The following SLC38A8 variants were observed in gnomAD, a reference collection of about 807,000 sequenced individuals.
The protein encoded by SLC38A8 is solute carrier family 38 member 8, also known as amino acid transporter SLC38A8.
SLC38A8 carries 65 observed loss-of-function variants against 46.0 expected under a neutral mutation model. The observed-to-expected ratio is 1.41, with a 90% CI of 1.16 to 1.74. The LOEUF (loss-of-function observed/expected upper bound fraction) is 1.74, where lower values mean the gene tolerates loss of function less well. Ranked by LOEUF, SLC38A8 falls within the 40% of genes most tolerant of loss-of-function variation. The pLI is 0.00. For synonymous variants in SLC38A8, 447 were observed against 243.7 expected, an observed-to-expected ratio of 1.83 and a Z score of -7.77; for missense variants, 998 against 567.9, an observed-to-expected ratio of 1.76 and a Z score of -7.70.
rs139291507 is a variant in SLC38A8 at position 84,031,882 on chromosome 16, G to C, written c.617C>G (p.Ser206Cys). ...TCAGACTTACCTCAGTGAAGGATGG[G>C]ACTCACGCACGAGGCCCTGGGGCCA... ...YLWPQGLVRE[S>C]HPSLSPASWT... The change falls in exon 5 of 11, where the codon TCC (serine) becomes TGC (cysteine). Residue 206 changes from serine to cysteine, a missense_variant. Coordinates refer to ENST00000299709, the MANE Select transcript of SLC38A8 (RefSeq NM_001080442.3). The C allele has an allele frequency of 1.6e-4, 253 of 1,614,002 alleles. No homozygotes were observed. The highest frequency in any genetic ancestry group is 2.1e-4 in the Non-Finnish European group (245 of 1,180,008).
At position 84,017,318 on chromosome 16, in the gene SLC38A8, G is replaced by A. The variant is rs1468166519; in HGVS notation, c.806-31C>T. The stretch of plus-strand genomic sequence containing the variant: ...GGTGGGAAAGGATGGAAGCCACAGA[G>A]TGGATTAGGAAAATGCTGCCCCCTC... On this transcript the variant is annotated intron_variant, in intron 7 of 10. Coordinates refer to ENST00000299709, the MANE Select transcript of SLC38A8 (RefSeq NM_001080442.3). 4 of 1,612,266 alleles carry A rather than the reference G, an allele frequency of 2.5e-6. No individual in the cohort carries two copies. The South Asian group carries it at 4.4e-5, about 18-fold the overall frequency.
In SLC38A8 at chr16:84,017,286, C is replaced by T; in HGVS notation, c.807G>A (p.Gly269=). 6.2e-7 allele frequency: 1 copy of T among 1,613,978 alleles called. No homozygotes were observed. The highest frequency in any genetic ancestry group is 1.1e-5 in the South Asian group (1 of 91,080). ...LACCLIYSLT[G]VYGFLTFGTE... ...TCCCAAAAGTCAGGAAGCCATAAAC[C>T]CCTGAAGGTGGGAAAGGATGGAAGC... Residue 269 remains glycine, a splice_region_variant and synonymous_variant, in exon 8 of 11, where the codon GGG becomes GGA. Coordinates refer to ENST00000299709, the MANE Select transcript of SLC38A8 (RefSeq NM_001080442.3).
At chr16:84,020,782 T>C (rs2085086257) in intron 7 of SLC38A8, among the ~76,000 whole-genome samples, 1 of 152,196 alleles carries the variant, frequency 6.6e-6, no homozygotes, top group South Asian at 2.1e-4. Flanking sequence ...TTCAGGGTCT[T>C]TCTTCCATTC....
Position 84,033,399 on chromosome 16 carries a change from C to A in SLC38A8, c.459G>T (p.Leu153=), listed in dbSNP as rs57576928. 6.2e-7 allele frequency: 1 copy of A among 1,613,758 alleles called. No individual in the cohort carries two copies. The highest frequency in any genetic ancestry group is 1.3e-5 in the African/African-American group (1 of 74,920). The change falls in exon 4 of 11, where the codon CTG becomes CTT. Residue 153 remains leucine, a synonymous_variant. Transcript: ENST00000299709. ...GGATGACCAGCACGGAGAGCAGGGGCAGGGTGAAGCGCTGGTCTGCGTACC... is the reference window on the plus strand; with the variant it reads ...GGATGACCAGCACGGAGAGCAGGGGAAGGGTGAAGCGCTGGTCTGCGTACC... The part of the protein sequence containing the change: ...QPWYADQRFT[L]PLLSVLVILP...
intron 3 of SLC38A8, among the ~76,000 whole-genome samples, chr16:84,035,120 C>T (rs1410613203): frequency 2.0e-5 from 3 of 152,204 alleles, no homozygotes; most frequent in Admixed American, 6.5e-5. Flanking sequence ...TATCCTCATC[C>T]GTCCTCTGAC....
At position 84,009,686 on chromosome 16, in the gene SLC38A8, T is replaced by C. The variant is rs973048814; in HGVS notation, c.*98A>G. 1 of 1,040,388 alleles carries C rather than the reference T, an allele frequency of 9.6e-7. No homozygotes were observed. The allele number at this position is 1,040,388 out of a possible 1,614,324, so 64.4% of individuals were successfully genotyped here. A position where few individuals can be genotyped will look rare whatever the true frequency, so the allele number is the denominator to read the frequency against. On this transcript the variant is annotated 3_prime_UTR_variant, in exon 11 of 11. Coordinates refer to ENST00000299709, the MANE Select transcript of SLC38A8 (RefSeq NM_001080442.3). ...AAGGCATCAGTCTCTCCAGCATCTT[T>C]ATGAGGAAAAGAAATGGCATCGGTC...
intron 2 of SLC38A8, among the ~76,000 whole-genome samples, chr16:84,038,953 A>G (rs971092833): frequency 2.0e-5 from 3 of 152,344 alleles, no homozygotes; most frequent in Admixed American, 6.5e-5. Context: ...GACTTACTGG[A>G]AACAGTTTTT....
At position 84,033,413 on chromosome 16, in the gene SLC38A8, G is replaced by A. The variant is rs146899328; in HGVS notation, c.445C>T (p.Gln149Ter). The A allele has an allele frequency of 6.2e-6, 10 of 1,613,568 alleles. No individual in the cohort carries two copies. In the African/African-American group the frequency reaches 9.3e-5, roughly 15 times the overall value. The change falls in exon 4 of 11, where the codon CAG becomes TAG. Residue 149 changes from glutamine to a stop codon, truncating the protein, a stop_gained. Coordinates refer to ENST00000299709, the MANE Select transcript of SLC38A8 (RefSeq NM_001080442.3). LOFTEE classifies it high-confidence loss of function. ...GAGAGCAGGGGCAGGGTGAAGCGCT[G>A]GTCTGCGTACCACGGCTGCGGGGCG... ...PPAPQPWYAD[Q>*]RFTLPLLSVL...
intron 6 of SLC38A8, among the ~76,000 whole-genome samples, chr16:84,028,682 T>G (rs1209002438): frequency 1.0e-5 from 1 of 100,388 alleles, no homozygotes; most frequent in Non-Finnish European, 2.1e-5. Context: ...GCCCGCCACC[T>G]CCCCTGCCCC....
At chr16:84,012,560 A>T (rs973442847) in intron 10 of SLC38A8, among the ~76,000 whole-genome samples, 2 of 152,178 alleles carry the variant, frequency 1.3e-5, no homozygotes, top group Non-Finnish European at 2.9e-5. Flanking sequence ...GGAGGTGAAC[A>T]TGTAAAAGGA....
intron 10 of SLC38A8, among the ~76,000 whole-genome samples, chr16:84,011,923 G>A (rs112366012): frequency 5.3e-5 from 8 of 152,230 alleles, no homozygotes; most frequent in South Asian, 4.2e-4. Flanking sequence ...TTTCTGAGAC[G>A]CAGAGACACA....
rs559917201 is a variant in SLC38A8 at position 84,013,579 on chromosome 16, T to C, written c.1163-527A>G. 3.8e-3 allele frequency among the ~76,000 whole-genome samples: 569 copies of C among 151,722 alleles called. 3 individuals carry two copies. The highest frequency in any genetic ancestry group is 0.013 in the African/African-American group (541 of 41,372). On this transcript the variant is annotated intron_variant, in intron 9 of 10. Coordinates refer to ENST00000299709, the MANE Select transcript of SLC38A8 (RefSeq NM_001080442.3). ...CCGAGTAGCTGGGACTACAGGTGCG[T>C]GCCACCACACCCCGCTCATTTTTGT...
chr16:84,030,271 C>A (rs113959624), intron 5 of SLC38A8, among the ~76,000 whole-genome samples: 20 of 152,212 alleles, frequency 1.3e-4, no homozygotes, highest in Admixed American at 4.6e-4. Flanking sequence ...GGGAGCATGG[C>A]CTGACCACAC....
At position 84,034,724 on chromosome 16, in the gene SLC38A8, G is replaced by T. The variant is rs184824862; in HGVS notation, c.389-1255C>A. On this transcript the variant is annotated intron_variant, in intron 3 of 10. Coordinates refer to ENST00000299709, the MANE Select transcript of SLC38A8 (RefSeq NM_001080442.3). ...CAGGTGGTCACAGCAGCATCCACGTGGGAGAGCCGAGATGCCAAGGGACTG... is the reference window on the plus strand; with the variant it reads ...CAGGTGGTCACAGCAGCATCCACGTTGGAGAGCCGAGATGCCAAGGGACTG... Among the ~76,000 whole-genome samples, 852 of 152,268 alleles carry T rather than the reference G, an allele frequency of 5.6e-3. 4 individuals are homozygous for T. Among genetic ancestry groups the T allele is most frequent in the Non-Finnish European group, 8.9e-3 (604 of 68,022 alleles).
intron 3 of SLC38A8, among the ~76,000 whole-genome samples, chr16:84,034,050 G>A (rs1295612032): frequency 1.3e-5 from 2 of 152,312 alleles, no homozygotes; most frequent in South Asian, 2.1e-4. Flanking sequence ...GTCTCTGGCT[G>A]GCAGTGGGGC....
Position 84,017,232 on chromosome 16 carries a change from G to C in SLC38A8, c.861C>G (p.Ser287=). The C allele has an allele frequency of 1.2e-6, 2 of 1,614,120 alleles. No homozygotes were observed. Among genetic ancestry groups the C allele is most frequent in the Non-Finnish European group, 1.7e-6 (2 of 1,180,022 alleles). The part of the protein sequence containing the change: ...GTEVSADVLM[S]YPGNDMVIIV... The stretch of plus-strand genomic sequence containing the variant: ...TGATGACCATATCATTGCCTGGGTA[G>C]GACATCAAGACGTCAGCAGAAACTT... Residue 287 remains serine (S), a synonymous_variant, in exon 8 of 11, where the codon TCC becomes TCG. Transcript: ENST00000299709.
At chr16:84,029,265 A>G (rs1403010244) in intron 6 of SLC38A8, among the ~76,000 whole-genome samples, 3 of 152,128 alleles carry the variant, frequency 2.0e-5, no homozygotes, top group Non-Finnish European at 2.9e-5. Flanking sequence ...TGGGGGCTGG[A>G]TTCCCAAGTT....
At chr16:84,010,639 T>A (rs2084941984) in intron 10 of SLC38A8, among the ~76,000 whole-genome samples, 1 of 152,086 alleles carries the variant, frequency 6.6e-6, no homozygotes, top group Admixed American at 6.6e-5. Flanking sequence ...CCCAGCTATG[T>A]GGGAGGCTGA....
At chr16:84,035,008 G>C (rs147839297) in intron 3 of SLC38A8, among the ~76,000 whole-genome samples, 83 of 152,214 alleles carry the variant, frequency 5.5e-4, no homozygotes, top group African/African-American at 1.7e-3. Flanking sequence ...CGTCTCAGAA[G>C]CTTGGCCTTC....
Sources: allele counts gnomAD v4.1 joint callset (sites outside exome capture counted in the v4.1 genomes callset), GRCh38; gene constraint gnomAD v4.1.1; transcripts MANE v1.5; gene names NCBI Gene and HGNC (gene_info 2026-07-23, HGNC 2026-07-21).